Variants in LARP1B observed in about 807,000 individuals in gnomAD.
The protein encoded by LARP1B is la-related protein 1B.
LARP1B carries 76 observed loss-of-function variants against 114.2 expected under a neutral mutation model. The observed-to-expected ratio is 0.67, with a 90% confidence interval of 0.55 to 0.81. The LOEUF is 0.81. Ranked by LOEUF, LARP1B falls within the 30% of genes least tolerant of loss-of-function variation. The pLI is 0.00. For missense variants in LARP1B, 1,014 were observed against 1,075.8 expected, an observed-to-expected ratio of 0.94 and a Z score of 0.80; for synonymous variants, 345 against 348.0, an observed-to-expected ratio of 0.99 and a Z score of 0.10.
intron 11 of LARP1B, chr4:128,156,157 G>A: frequency 6.2e-7 from 1 of 1,610,752 alleles, no homozygotes; most frequent in South Asian, 1.1e-5. Flanking sequence ...CAGCAGCGGA[G>A]ACCCATCCTC....
chr4:128,128,978 C>T (rs1238082795), intron 11 of LARP1B, among the ~76,000 whole-genome samples: 1 of 151,820 alleles, frequency 6.6e-6, no homozygotes, highest in Non-Finnish European at 1.5e-5. Context: ...CCCTGGCTAA[C>T]ATGGTGAAAC....
rs1735198799 is a variant in LARP1B, at chr4:128,155,640, G to A, written c.1525-6554G>A. Reference sequence around the variant, plus strand: ...TACAACCCCAGCCAGGAGCCATCCGGGCCCTGGGGCCGCCTCCAGTGGTGT... The same window carrying A: ...TACAACCCCAGCCAGGAGCCATCCGAGCCCTGGGGCCGCCTCCAGTGGTGT... On this transcript the variant is annotated intron_variant, in intron 11 of 19. Transcript: ENST00000326639. 2.1e-6 allele frequency: 3 copies of A among 1,459,962 alleles called. No homozygotes were observed. In the Admixed American group the frequency reaches 5.0e-5, roughly 24 times the overall value. The allele number at this position is 1,459,962 out of a possible 1,614,324, so 90.4% of individuals were successfully genotyped here.
At chr4:128,156,559 TC>T (rs1735766930) in intron 11 of LARP1B, among the ~76,000 whole-genome samples, 1 of 151,902 alleles carries the variant, frequency 6.6e-6, no homozygotes, top group Non-Finnish European at 1.5e-5. Context: ...ATCACCCTCT[TC>T]CTGTGATCCA....
chr4:128,075,151 G>T (rs903490638), intron 3 of LARP1B, among the ~76,000 whole-genome samples, 158 bp downstream of exon 3: 3 of 151,980 alleles, frequency 2.0e-5, no homozygotes, highest in Admixed American at 1.3e-4. Context: ...CTCCAGGCTG[G>T]AGTGCAGTGG....
At chr4:128,208,630 T>C (rs1328879199) in intron 19 of LARP1B, among the ~76,000 whole-genome samples, 3 of 152,146 alleles carry the variant, frequency 2.0e-5, no homozygotes, top group Admixed American at 2.0e-4. Flanking sequence ...CAACGGAAGA[T>C]TGGATGAGGA....
intron 1 of LARP1B, chr4:128,061,717 C>G (rs1283509152): frequency 6.1e-6 from 6 of 984,964 alleles, no homozygotes; most frequent in Non-Finnish European, 7.2e-6. Context: ...CCCCGATGCC[C>G]GCCGCCCATT....
chr4:128,073,942 T>G (rs982413505), intron 1 of LARP1B, among the ~76,000 whole-genome samples: 11 of 149,686 alleles, frequency 7.3e-5, no homozygotes, highest in African/African-American at 2.7e-4. Context: ...ATACGCTGTG[T>G]TTTTTTTTGT....
chr4:128,085,577 G>A (rs180826778), intron 5 of LARP1B, among the ~76,000 whole-genome samples: 38 of 151,998 alleles, frequency 2.5e-4, no homozygotes, highest in Admixed American at 5.3e-4. Context: ...TTCGTTGCCC[G>A]GGCTGGTCTT....
intron 8 of LARP1B, among the ~76,000 whole-genome samples, chr4:128,102,450 C>T (rs753626607): frequency 6.6e-6 from 1 of 152,156 alleles, no homozygotes; most frequent in African/African-American, 2.4e-5. Flanking sequence ...TTGATAACTC[C>T]TTTATCTTCA....
chr4:128,207,440 A>G, intron 19 of LARP1B, 57 bp downstream of exon 19: 1 of 1,204,804 alleles, frequency 8.3e-7, no homozygotes, highest in Non-Finnish European at 1.1e-6. Flanking sequence ...TCAGTCTCTT[A>G]TCAGTGACTT....
intron 9 of LARP1B, among the ~76,000 whole-genome samples, chr4:128,112,466 AT>A (rs1174266918): frequency 0.024 from 1,652 of 69,248 alleles, 12 homozygotes; most frequent in African/African-American, 0.089. Flanking sequence ...TGCTTACTCT[AT>A]TTTTTTTTTT....
intron 6 of LARP1B, 86 bp downstream of exon 6, chr4:128,091,230 C>T: frequency 3.2e-6 from 5 of 1,542,756 alleles, no homozygotes; most frequent in Non-Finnish European, 3.5e-6. Flanking sequence ...AACTAATTTT[C>T]TTTGTCTGAT....
rs77987832 is a variant in LARP1B, at chr4:128,161,303, C to T, written c.1525-891C>T. On this transcript the variant is annotated intron_variant, in intron 11 of 19. Transcript: ENST00000326639. ...AGAATGACCTCTACCCTCTGTAATG[C>T]TCCACACATTTGTAGGTCAGGGCCG... Among the ~76,000 whole-genome samples the T allele has an allele frequency of 6.1e-3, 927 of 152,248 alleles. 2 individuals carry two copies. Among genetic ancestry groups the T allele is most frequent in the Non-Finnish European group, 8.7e-3 (595 of 68,026 alleles).
intron 10 of LARP1B, among the ~76,000 whole-genome samples, 179 bp downstream of exon 10, chr4:128,114,921 T>G (rs1289555770): frequency 6.6e-6 from 1 of 152,188 alleles, no homozygotes; most frequent in Non-Finnish European, 1.5e-5. Flanking sequence ...ATAAGTTGTA[T>G]CAATTTTTAA....
chr4:128,122,907 G>A, intron 11 of LARP1B: 1 of 990,948 alleles, frequency 1.0e-6, no homozygotes. Flanking sequence ...CAGATATGGG[G>A]ATAAAAGGAA....
rs1340414621 is a variant in LARP1B at position 128,113,434 on chromosome 4, C to T, written c.989-1136C>T. On this transcript the variant is annotated intron_variant, in intron 9 of 19. Coordinates refer to ENST00000326639, the MANE Select transcript of LARP1B (RefSeq NM_018078.4). ...TTAGCTCACTGCAACCTCTGCCTTG[C>T]GGATTCAAGCAATTCTCTGCCTCAT... 1.8e-4 allele frequency among the ~76,000 whole-genome samples: 27 copies of T among 149,936 alleles called. 1 individual carries two copies. Among genetic ancestry groups the T allele is most frequent in the Non-Finnish European group, 1.6e-4 (11 of 67,690 alleles).
At chr4:128,138,929 G>T (rs11723863) in intron 11 of LARP1B, among the ~76,000 whole-genome samples, 89,915 of 151,912 alleles carry the variant, frequency 0.59, 27,737 homozygotes, top group Middle Eastern at 0.8. Context: ...ACTCCAGCCC[G>T]GGTGACAGAG....
intron 11 of LARP1B, among the ~76,000 whole-genome samples, chr4:128,156,373 G>A (rs1331366316): frequency 6.6e-6 from 1 of 152,088 alleles, no homozygotes; most frequent in Non-Finnish European, 1.5e-5. Context: ...CCAGCTTGGG[G>A]CCACCAAAGC....
At chr4:128,105,860 T>G (rs1781888532) in intron 8 of LARP1B, among the ~76,000 whole-genome samples, 1 of 152,090 alleles carries the variant, frequency 6.6e-6, no homozygotes, top group Non-Finnish European at 1.5e-5. Flanking sequence ...CACTGCACTG[T>G]AGCCTGGGTG....
Sources: gnomAD v4.1 joint callset for allele counts (sites outside exome capture counted in the v4.1 genomes callset) on GRCh38, gnomAD v4.1.1 for gene constraint, MANE v1.5 for transcripts, NCBI Gene and HGNC (gene_info 2026-07-23, HGNC 2026-07-21) for gene names.